STAMBPL1: variants seen among roughly 807,000 people sequenced by gnomAD.
STAMBPL1 encodes AMSH-like protease.
STAMBPL1 carries 44 observed loss-of-function variants against 52.9 expected under a neutral mutation model. The observed-to-expected ratio is 0.83, with a 90% CI of 0.65 to 1.07. The LOEUF is 1.07. STAMBPL1 is among the 50% of genes least tolerant of loss of function. The probability of loss-of-function intolerance (pLI) is 0.00; values close to 1 mark genes in which losing one functional copy is unlikely to be tolerated. For missense variants in STAMBPL1, 511 were observed against 520.8 expected, an observed-to-expected ratio of 0.98 and a Z score of 0.18; for synonymous variants, 164 against 177.3, an observed-to-expected ratio of 0.92 and a Z score of 0.60.
At chr10:88,899,332 G>A (rs11202884) in intron 1 of STAMBPL1, among the ~76,000 whole-genome samples, 6,135 of 152,154 alleles carry the variant, frequency 0.04, 397 homozygotes, top group African/African-American at 0.14. Context: ...GCTTAAAACC[G>A]ATGGATTCAG....
chr10:88,907,893 G>A (rs970201661), intron 3 of STAMBPL1, among the ~76,000 whole-genome samples: 2 of 152,198 alleles, frequency 1.3e-5, no homozygotes, highest in African/African-American at 4.8e-5. Flanking sequence ...TTGATTTACA[G>A]AATCAGTAAG....
At chr10:88,880,736 T>G (rs1844381293) in intron 1 of STAMBPL1, 98 bp downstream of exon 1, 1 of 152,178 alleles carries the variant, frequency 6.6e-6, no homozygotes, top group Non-Finnish European at 1.5e-5. Flanking sequence ...GCGCCGGCCC[T>G]TCCGCTGGCA....
At chr10:88,900,834 T>C (rs1363186983) in intron 1 of STAMBPL1, among the ~76,000 whole-genome samples, 2 of 152,216 alleles carry the variant, frequency 1.3e-5, no homozygotes, top group Non-Finnish European at 2.9e-5. Context: ...AAGGCAGCAA[T>C]TGACTTGTTG....
At chr10:88,888,440 C>G (rs1380366542) in intron 1 of STAMBPL1, among the ~76,000 whole-genome samples, 2 of 152,114 alleles carry the variant, frequency 1.3e-5, no homozygotes, top group Non-Finnish European at 2.9e-5. Context: ...ACCATAAAGG[C>G]AGAAAGAAAC....
intron 2 of STAMBPL1, among the ~76,000 whole-genome samples, 198 bp downstream of exon 2, chr10:88,901,936 C>T (rs1844953050): frequency 6.6e-6 from 1 of 152,160 alleles, no homozygotes; most frequent in Non-Finnish European, 1.5e-5. Context: ...ATTTTATTTT[C>T]CACAAAAGTC....
intron 1 of STAMBPL1, among the ~76,000 whole-genome samples, chr10:88,892,347 C>G (rs868500030): frequency 5.3e-5 from 6 of 113,386 alleles, no homozygotes; most frequent in African/African-American, 7.4e-5. Flanking sequence ...TGTGTGTGTG[C>G]GTGTGCGTGT....
chr10:88,915,477 G>T (rs557530697), intron 7 of STAMBPL1, among the ~76,000 whole-genome samples: 1 of 152,280 alleles, frequency 6.6e-6, no homozygotes, highest in South Asian at 2.1e-4. Context: ...AGGAGAATGG[G>T]CATCTATAGT....
intron 1 of STAMBPL1, among the ~76,000 whole-genome samples, chr10:88,899,881 C>G (rs1254155740): frequency 6.6e-6 from 1 of 152,198 alleles, no homozygotes; most frequent in East Asian, 1.9e-4. Context: ...TCCCCGGCTT[C>G]ACATTCCCCA....
intron 8 of STAMBPL1, among the ~76,000 whole-genome samples, chr10:88,918,692 G>T (rs1209871404): frequency 6.6e-6 from 1 of 152,112 alleles, no homozygotes; most frequent in East Asian, 1.9e-4. Flanking sequence ...TCTATAAAAA[G>T]AATGCCTTAT....
intron 10 of STAMBPL1, among the ~76,000 whole-genome samples, chr10:88,922,854 C>T (rs1198690688): frequency 6.6e-6 from 1 of 152,040 alleles, no homozygotes; most frequent in South Asian, 2.1e-4. Context: ...ATTACCTTTG[C>T]ATAGTCCAAA....
chr10:88,922,448 A>C lies in STAMBPL1; in HGVS notation c.1254+12A>C. ...CCAGGCTGTTCAGTGTGAGTACATC[A>C]TATTAGTTATTTTTCCAGGTATTTC... is the stretch of plus-strand genomic sequence containing the variant. On this transcript the variant is annotated intron_variant, in intron 10 of 10. Coordinates refer to ENST00000371926, the MANE Select transcript of STAMBPL1 (RefSeq NM_020799.4). 1 of 1,611,352 alleles carries C rather than the reference A, an allele frequency of 6.2e-7. No homozygotes were observed. The highest frequency in any genetic ancestry group is 8.5e-7 in the Non-Finnish European group (1 of 1,178,460).
At chr10:88,889,790 C>T (rs1013954780) in intron 1 of STAMBPL1, among the ~76,000 whole-genome samples, 4 of 152,182 alleles carry the variant, frequency 2.6e-5, no homozygotes, top group African/African-American at 7.2e-5. Context: ...GTCTAATCTA[C>T]AGATCTTATT....
chr10:88,905,977 C>T (rs554612896), intron 3 of STAMBPL1, among the ~76,000 whole-genome samples: 16 of 152,128 alleles, frequency 1.1e-4, no homozygotes, highest in African/African-American at 2.2e-4. Context: ...CGATTTTCCC[C>T]GACAGAAATG....
intron 8 of STAMBPL1, among the ~76,000 whole-genome samples, chr10:88,920,020 T>G (rs561689300): frequency 1.3e-5 from 2 of 152,066 alleles, no homozygotes; most frequent in Non-Finnish European, 2.9e-5. Flanking sequence ...AAACTTTTTT[T>G]TTGTTTGTTT....
intron 7 of STAMBPL1, 21 bp downstream of exon 7, chr10:88,914,679 T>TAC: frequency 4.4e-6 from 3 of 677,500 alleles, no homozygotes; most frequent in Non-Finnish European, 5.8e-6. Context: ...TTTATATAAA[T>TAC]ATATATATAT....
chr10:88,921,180 A>T (rs112005112), intron 8 of STAMBPL1, 103 bp from the exon 9 acceptor site: 5 of 815,692 alleles, frequency 6.1e-6, no homozygotes, highest in African/African-American at 1.8e-5. Context: ...TATTTGATTA[A>T]TGATGGTAAA....
At position 88,923,325 on chromosome 10, in the gene STAMBPL1, A is replaced by G. The variant is rs1050752218; in HGVS notation, c.*101A>G. 8 of 1,442,616 alleles carry G rather than the reference A, an allele frequency of 5.5e-6. No homozygotes were observed. The African/African-American group carries it at 8.9e-5, about 16-fold the overall frequency. 89.4% of individuals were successfully genotyped at this position (1,442,616 alleles called of 1,614,324 possible). ...TTTCCAGAAATGACTGATATTTTAT[A>G]TTTATACATTTTAGATGACAAAGCT... On this transcript the variant is annotated 3_prime_UTR_variant, in exon 11 of 11. Transcript: ENST00000371926.
At chr10:88,913,500 C>A in intron 6 of STAMBPL1, 42 bp downstream of exon 6, 1 of 1,505,870 alleles carries the variant, frequency 6.6e-7, no homozygotes, top group Non-Finnish European at 9.1e-7. Context: ...TGAGCCTCAT[C>A]GGATGGAACC....
intron 5 of STAMBPL1, chr10:88,912,573 T>TC (rs34894642): frequency 0.61 from 93,365 of 152,912 alleles, 29,224 homozygotes; most frequent in East Asian, 0.9. Context: ...TCAATAGAAC[T>TC]CCTGTGATGA....
Sources: gnomAD v4.1 joint callset for allele counts (sites outside exome capture counted in the v4.1 genomes callset) on GRCh38, gnomAD v4.1.1 for gene constraint, MANE v1.5 for transcripts, NCBI Gene and HGNC (gene_info 2026-07-23, HGNC 2026-07-21) for gene names.